PDXK: variants seen among roughly 807,000 people sequenced by gnomAD.
PDXK encodes the protein epididymis secretory sperm binding protein Li 1a.
Under a neutral mutation model 43.2 loss-of-function variants are expected in PDXK, and 15 were observed. That is an observed-to-expected ratio of 0.35 (90% CI 0.23 to 0.53). PDXK has a LOEUF of 0.53. Ranked by LOEUF, PDXK falls within the 20% of genes least tolerant of loss-of-function variation. PDXK has a pLI of 0.92. For missense variants in PDXK, 343 were observed against 417.0 expected (o/e 0.82, Z 1.54); for synonymous variants, 172 against 165.4 (o/e 1.04, Z -0.31).
At chr21:43,750,840 G>C (rs2083729276) in intron 7 of PDXK, among the ~76,000 whole-genome samples, 1 of 145,464 alleles carries the variant, frequency 6.9e-6, no homozygotes, top group African/African-American at 2.5e-5. Flanking sequence ...GTGTGCACGT[G>C]TGTGTGTGCA....
chr21:43,733,253 ACC>A (rs1226314950), intron 1 of PDXK, among the ~76,000 whole-genome samples: 2,593 of 56,104 alleles, frequency 0.046, 54 homozygotes, highest in African/African-American at 0.14. Context: ...CCCCATCCCC[ACC>A]CCCCCCCCCG....
chr21:43,725,463 C>T (rs200076142), intron 1 of PDXK, among the ~76,000 whole-genome samples: 5 of 152,264 alleles, frequency 3.3e-5, no homozygotes, highest in Middle Eastern at 3.4e-3. Context: ...TAAAAGACAT[C>T]ATTTTTGCCT....
intron 1 of PDXK, among the ~76,000 whole-genome samples, chr21:43,726,859 G>T (rs1044519135): frequency 6.6e-6 from 1 of 151,984 alleles, no homozygotes; most frequent in Non-Finnish European, 1.5e-5. Flanking sequence ...TGTGTACATG[G>T]TGTGTGTGTA....
rs1251535554 is a variant in PDXK at position 43,759,309 on chromosome 21, C to G, written c.*3246C>G. On this transcript the variant is annotated 3_prime_UTR_variant, in exon 11 of 11. Transcript: ENST00000291565. ...TCAGATTGCGGGGCCCCGAGCAGCT[C>G]CCCACTCTGCCCGTCCACCTTCCCT... The G allele has an allele frequency of 6.5e-6, 1 of 153,740 alleles. No individual in the cohort carries two copies. Among genetic ancestry groups the G allele is most frequent in the Non-Finnish European group, 1.5e-5 (1 of 68,086 alleles). The allele number at this position is 153,740 out of a possible 1,614,324, so 9.5% of individuals were successfully genotyped here.
intron 4 of PDXK, among the ~76,000 whole-genome samples, chr21:43,744,248 A>C (rs999334178): frequency 1.3e-5 from 2 of 152,102 alleles, no homozygotes; most frequent in African/African-American, 4.8e-5. Context: ...GGTCACACCC[A>C]GGCTGGGCCC....
intron 8 of PDXK, 132 bp downstream of exon 8, chr21:43,752,761 A>G (rs1299912456): frequency 1.6e-6 from 1 of 619,268 alleles, no homozygotes; most frequent in Non-Finnish European, 2.9e-6. Flanking sequence ...TGACACCCCC[A>G]TTTTACAGAC....
Position 43,760,335 on chromosome 21 carries a change from C to T in PDXK, c.*4272C>T, listed in dbSNP as rs1601848212. 6.6e-6 allele frequency: 1 copy of T among 152,202 alleles called. No homozygotes were observed. The highest frequency in any genetic ancestry group is 1.5e-5 in the Non-Finnish European group (1 of 68,068). The allele number at this position is 152,202 out of a possible 1,614,324, so 9.4% of individuals were successfully genotyped here. The stretch of plus-strand genomic sequence containing the variant: ...GGGATTACAGGCATGCGCCACCACG[C>T]TCAGCTGATTTTTGTATTTTTAGTA... On this transcript the variant is annotated 3_prime_UTR_variant, in exon 11 of 11. Transcript: ENST00000291565.
Position 43,756,062 on chromosome 21 carries a change from G to A in PDXK, c.938G>A (p.Ter313=). The change falls in exon 11 of 11, where the codon TGA becomes TAA. Residue 313 remains the stop codon, a stop_retained_variant. Transcript: ENST00000291565. ...PEIVVQATVL[*] ...ATCGTCGTCCAGGCCACGGTGCTGT[G>A]AGGGCCCCGCCGCTTGCCCGTGACA... 1 of 1,591,792 alleles carries A rather than the reference G, an allele frequency of 6.3e-7. No individual in the cohort carries two copies. The highest frequency in any genetic ancestry group is 8.6e-7 in the Non-Finnish European group (1 of 1,163,658).
intron 1 of PDXK, among the ~76,000 whole-genome samples, 180 bp from the exon 2 acceptor site, chr21:43,733,887 CAT>C (rs986886816): frequency 6.6e-6 from 1 of 152,254 alleles, no homozygotes; most frequent in Non-Finnish European, 1.5e-5. Flanking sequence ...TGCCTGTGCA[CAT>C]GTCATGTGTG....
At chr21:43,719,762 TC>T (rs2083191419) in intron 1 of PDXK, 2 of 984,714 alleles carry the variant, frequency 2.0e-6, no homozygotes, top group Non-Finnish European at 2.4e-6. Context: ...CCCCGAGGAG[TC>T]CCGGAGCAGT....
chr21:43,734,151 T>C lies in PDXK; in HGVS notation c.142+28T>C, dbSNP rs765446584. The C allele has an allele frequency of 6.2e-7, 1 of 1,606,060 alleles. No homozygotes were observed. Among genetic ancestry groups the C allele is most frequent in the Non-Finnish European group, 8.5e-7 (1 of 1,172,810 alleles). ...AAGGCGTTGGCTCCAGCAGCTGGCA[T>C]AGAGCAGACTGTGGGTGTGAGGGAC... On this transcript the variant is annotated intron_variant, in intron 2 of 10. Coordinates refer to ENST00000291565, the MANE Select transcript of PDXK (RefSeq NM_003681.5). The surrounding 1 kb of genome is among the most constrained non-coding windows in gnomAD (Gnocchi z 5.0).
chr21:43,729,145 G>A, intron 1 of PDXK: 1 of 382,788 alleles, frequency 2.6e-6, no homozygotes, highest in South Asian at 1.1e-4. Flanking sequence ...CTGGGTGCTT[G>A]GCGCTTGTTT....
intron 2 of PDXK, chr21:43,736,979 G>A (rs2083414559): frequency 2.8e-6 from 2 of 701,848 alleles, no homozygotes; most frequent in South Asian, 1.5e-5. Context: ...CTGTCGCCCA[G>A]GCTGGCGTGA....
At position 43,736,193 on chromosome 21, in the gene PDXK, C is replaced by T. The variant is rs1233043106; in HGVS notation, c.142+2070C>T. On this transcript the variant is annotated intron_variant, in intron 2 of 10. Transcript: ENST00000291565. ...AGGTGCTTATTTTTCACCAAACTCA[C>T]CTCCAGGAAGCATTTTACTGGTCCT... Among the ~76,000 whole-genome samples, 3 of 152,182 alleles carry T rather than the reference C, an allele frequency of 2.0e-5. No individual in the cohort carries two copies. In the East Asian group the frequency reaches 5.8e-4, roughly 29 times the overall value.
chr21:43,737,323 T>C lies in PDXK; in HGVS notation c.142+3200T>C. 7.4e-7 allele frequency: 1 copy of C among 1,350,232 alleles called. No homozygotes were observed. The highest frequency in any genetic ancestry group is 9.5e-7 in the Non-Finnish European group (1 of 1,050,678). 83.6% of individuals were successfully genotyped at this position (1,350,232 alleles called of 1,614,324 possible). The stretch of plus-strand genomic sequence containing the variant: ...GGCTGCTGCTCGCACTTCTGCCCCT[T>C]CCCCCGGCCAGGCCCCCGTTCCTTG... On this transcript the variant is annotated intron_variant, in intron 2 of 10. Coordinates refer to ENST00000291565, the MANE Select transcript of PDXK (RefSeq NM_003681.5). This position sits in a 1 kb window ranked among gnomAD's most constrained non-coding sequence, Gnocchi z 4.8.
chr21:43,755,771 C>T lies in PDXK; in HGVS notation c.826+7C>T, dbSNP rs754754318. 19 of 1,612,518 alleles carry T rather than the reference C, an allele frequency of 1.2e-5. No homozygotes were observed. Among genetic ancestry groups the T allele is most frequent in the Admixed American group, 1.0e-4 (6 of 60,010 alleles). The stretch of plus-strand genomic sequence containing the variant: ...ACCATCCAGTGTGCAAAAGGTACGG[C>T]GGCCGGGCTGCATGGGCTGCGTGGG... On this transcript the variant is annotated splice_region_variant and intron_variant, in intron 10 of 10. Transcript: ENST00000291565.
intron 9 of PDXK, 121 bp from the exon 10 acceptor site, chr21:43,755,577 T>A (rs1156961192): frequency 1.2e-6 from 1 of 854,300 alleles, no homozygotes; most frequent in Admixed American, 1.8e-5. Flanking sequence ...CGGAGCCGGC[T>A]CCCCGGTGGC....
At position 43,737,762 on chromosome 21, in the gene PDXK, C is replaced by A. The variant is rs1047076836; in HGVS notation, c.142+3639C>A. On this transcript the variant is annotated intron_variant, in intron 2 of 10. Coordinates refer to ENST00000291565, the MANE Select transcript of PDXK (RefSeq NM_003681.5). This position sits in a 1 kb window ranked among gnomAD's most constrained non-coding sequence, Gnocchi z 4.8. ...GCGAGGGGCCAGGCCGGGCCAGACT[C>A]CCTGGCCGGCTGGGATCTGACAGGA... 4 of 983,278 alleles carry A rather than the reference C, an allele frequency of 4.1e-6. No homozygotes were observed. Among genetic ancestry groups the A allele is most frequent in the Non-Finnish European group, 4.8e-6 (4 of 828,672 alleles). The allele number at this position is 983,278 out of a possible 1,614,324, so 60.9% of individuals were successfully genotyped here.
chr21:43,741,764 G>T lies in PDXK; in HGVS notation c.240G>T (p.Val80=), dbSNP rs1434651925. The change falls in exon 3 of 11, where the codon GTG becomes GTT. Residue 80 remains valine, a synonymous_variant. Coordinates refer to ENST00000291565, the MANE Select transcript of PDXK (RefSeq NM_003681.5). ...ACAACATGAATAAATATGACTACGT[G>T]CTCACAGGTAGGTGCCGGAGCAAGC... ...RLNNMNKYDY[V]LTGYTRDKSF... is the part of the protein sequence containing the mutation. 5.0e-6 allele frequency: 8 copies of T among 1,603,028 alleles called. No homozygotes were observed. The highest frequency in any genetic ancestry group is 6.8e-6 in the Non-Finnish European group (8 of 1,171,390).
Sources: allele counts gnomAD v4.1 joint callset (sites outside exome capture counted in the v4.1 genomes callset), GRCh38; gene constraint gnomAD v4.1.1; non-coding constraint Gnocchi (gnomAD v3.1); transcripts MANE v1.5; gene names NCBI Gene and HGNC (gene_info 2026-07-23, HGNC 2026-07-21).